UNC13B: variants seen among roughly 807,000 people sequenced by gnomAD.
UNC13B encodes unc-13 homolog B.
UNC13B carries 144 observed loss-of-function variants against 211.0 expected under a neutral mutation model. The ratio of observed to expected loss-of-function variants is 0.68; its 90% CI spans 0.60 to 0.78. The LOEUF is 0.78. Ranked by LOEUF, UNC13B falls within the 30% of genes least tolerant of loss-of-function variation. UNC13B has a pLI of 0.00. For synonymous variants in UNC13B, 709 were observed against 725.8 expected (o/e 0.98, Z 0.37); for missense variants, 1,777 against 2,002.0 (o/e 0.89, Z 2.14).
intron 20 of UNC13B, 22 bp from the exon 21 acceptor site, chr9:35,382,335 C>T (rs373241597): frequency 1.2e-5 from 19 of 1,604,748 alleles, no homozygotes; most frequent in Non-Finnish European, 1.5e-5. Context: ...GTCTTTGAGG[C>T]TGCGGGTGCT....
intron 11 of UNC13B, among the ~76,000 whole-genome samples, chr9:35,316,663 A>G (rs1830473174): frequency 6.6e-6 from 1 of 152,180 alleles, no homozygotes; most frequent in Non-Finnish European, 1.5e-5. Flanking sequence ...ATATGAAAAT[A>G]TTTCTCACAA....
chr9:35,344,878 T>C (rs1215015200), intron 11 of UNC13B, among the ~76,000 whole-genome samples: 2 of 152,296 alleles, frequency 1.3e-5, no homozygotes, highest in East Asian at 3.9e-4. Flanking sequence ...ATGACAGGGT[T>C]GGTTTGTTTT....
chr9:35,221,548 T>C (rs1587403438), intron 1 of UNC13B, among the ~76,000 whole-genome samples: 1 of 152,248 alleles, frequency 6.6e-6, no homozygotes, highest in South Asian at 2.1e-4. Flanking sequence ...CTTCACTTTG[T>C]TGATTGTTTT....
At chr9:35,273,061 A>G (rs187070321) in intron 7 of UNC13B, among the ~76,000 whole-genome samples, 1 of 152,244 alleles carries the variant, frequency 6.6e-6, no homozygotes, top group Non-Finnish European at 1.5e-5. Flanking sequence ...TATACAAATC[A>G]TAAACCAAAA....
intron 11 of UNC13B, among the ~76,000 whole-genome samples, chr9:35,330,056 C>A (rs1248559213): frequency 2.6e-5 from 4 of 152,142 alleles, no homozygotes; most frequent in African/African-American, 9.7e-5. Flanking sequence ...GATAGAAATG[C>A]CGAGAACTGG....
chr9:35,210,008 G>A (rs1823879363), intron 1 of UNC13B, among the ~76,000 whole-genome samples: 1 of 152,154 alleles, frequency 6.6e-6, no homozygotes, highest in Non-Finnish European at 1.5e-5. Context: ...GGGAGGCCAA[G>A]GTGGGTGGAT....
intron 11 of UNC13B, among the ~76,000 whole-genome samples, chr9:35,366,318 A>T (rs993903336): frequency 6.6e-6 from 1 of 152,174 alleles, no homozygotes; most frequent in Non-Finnish European, 1.5e-5. Context: ...TTGGTGTCTC[A>T]AGTTTCGACT....
At chr9:35,364,535 C>T (rs1333506648) in intron 11 of UNC13B, 1 of 1,535,942 alleles carries the variant, frequency 6.5e-7, no homozygotes, top group African/African-American at 1.4e-5. Context: ...TGCTCTTTCT[C>T]TCCTTGCAGA....
chr9:35,290,927 A>G (rs1013136826), intron 7 of UNC13B: 9 of 745,240 alleles, frequency 1.2e-5, no homozygotes, highest in African/African-American at 1.1e-4. Context: ...ACTCTATGTT[A>G]TGTAAAGTTA....
chr9:35,246,623 C>T (rs1260764896), intron 6 of UNC13B, among the ~76,000 whole-genome samples: 1 of 152,122 alleles, frequency 6.6e-6, no homozygotes, highest in Non-Finnish European at 1.5e-5. Context: ...TTTCCCATTT[C>T]TTGTGTTTGT....
chr9:35,243,871 G>A (rs1021222653), intron 6 of UNC13B, among the ~76,000 whole-genome samples: 19 of 152,072 alleles, frequency 1.2e-4, no homozygotes, highest in Non-Finnish European at 1.3e-4. Context: ...GGAGGGAAAA[G>A]ATGATAAATT....
intron 1 of UNC13B, among the ~76,000 whole-genome samples, chr9:35,188,560 C>T (rs1162905220): frequency 6.6e-6 from 1 of 152,130 alleles, no homozygotes; most frequent in Non-Finnish European, 1.5e-5. Context: ...TACTGTGTAC[C>T]TCTTCTCTGG....
chr9:35,389,396 T>A (rs914080515), intron 24 of UNC13B, among the ~76,000 whole-genome samples: 4 of 152,172 alleles, frequency 2.6e-5, no homozygotes, highest in Non-Finnish European at 5.9e-5. Context: ...TTGAAAGAGC[T>A]TCTCAGAGCT....
Position 35,396,513 on chromosome 9 carries a change from C to T in UNC13B, c.11346C>T (p.Tyr3782=), listed in dbSNP as rs1205823147. ...ACCACCTGTGTAAAAGTGCTGACTA[C>T]ATGAACCTGCACTTCAAGGTGAAGT... ...EKDHLCKSAD[Y]MNLHFKVKWL... is the part of the protein sequence containing the mutation. The change falls in exon 27 of 40, where the codon TAC becomes TAT. Residue 3782 remains tyrosine (Y), a synonymous_variant. Transcript: ENST00000635942. 5.6e-6 allele frequency: 9 copies of T among 1,614,184 alleles called. No homozygotes were observed. The highest frequency in any genetic ancestry group is 7.6e-6 in the Non-Finnish European group (9 of 1,180,050).
chr9:35,390,556 C>T, intron 25 of UNC13B, 73 bp from the exon 26 acceptor site: 1 of 1,532,518 alleles, frequency 6.5e-7, no homozygotes, highest in Non-Finnish European at 9.0e-7. Flanking sequence ...GAACTAGGCA[C>T]TTTAGCCTTG....
At chr9:35,254,197 T>G (rs748585401) in intron 6 of UNC13B, among the ~76,000 whole-genome samples, 5 of 152,136 alleles carry the variant, frequency 3.3e-5, no homozygotes, top group Non-Finnish European at 7.4e-5. Flanking sequence ...TATTAGAAGG[T>G]GAGAAGTGCT....
chr9:35,208,023 C>T (rs1246498256), intron 1 of UNC13B, among the ~76,000 whole-genome samples: 1 of 152,132 alleles, frequency 6.6e-6, no homozygotes, highest in East Asian at 1.9e-4. Context: ...TTTGCTTTTA[C>T]AAAATGTATT....
chr9:35,239,795 T>C (rs1825707835), intron 5 of UNC13B, among the ~76,000 whole-genome samples: 1 of 152,196 alleles, frequency 6.6e-6, no homozygotes, highest in Non-Finnish European at 1.5e-5. Context: ...ATTTCTCCTG[T>C]TTGCTTTTGA....
intron 11 of UNC13B, among the ~76,000 whole-genome samples, chr9:35,339,146 G>A (rs1473060962): frequency 1.3e-5 from 2 of 152,158 alleles, no homozygotes; most frequent in Non-Finnish European, 2.9e-5. Context: ...TTTAAATTGG[G>A]AACCAGACCT....
Sources: gnomAD v4.1 joint callset for allele counts (sites outside exome capture counted in the v4.1 genomes callset) on GRCh38, gnomAD v4.1.1 for gene constraint, MANE v1.5 for transcripts, NCBI Gene and HGNC (gene_info 2026-07-23, HGNC 2026-07-21) for gene names.